Variants in IRF2 observed in about 807,000 individuals in gnomAD.
IRF2 encodes interferon regulatory factor 2.
A neutral mutation model predicts 40.6 loss-of-function variants in IRF2; 15 were observed. That is an observed-to-expected ratio of 0.37 (90% CI 0.25 to 0.57). The LOEUF is 0.57. IRF2 is among the 20% of genes least tolerant of loss of function. The pLI is 0.77. For synonymous variants in IRF2, 151 were observed against 165.5 expected (o/e 0.91, Z 0.67); for missense variants, 317 against 455.7 (o/e 0.70, Z 2.77).
At chr4:184,446,796 A>T (rs531327763) in intron 1 of IRF2, among the ~76,000 whole-genome samples, 14 of 149,854 alleles carry the variant, frequency 9.3e-5, no homozygotes, top group Middle Eastern at 3.4e-3. Flanking sequence ...TACTAAAAAT[A>T]AAAAAAAAAT....
intron 1 of IRF2, among the ~76,000 whole-genome samples, chr4:184,456,609 C>G (rs1738944583): frequency 6.6e-6 from 1 of 152,258 alleles, no homozygotes; most frequent in Non-Finnish European, 1.5e-5. Flanking sequence ...ACACACCCGG[C>G]TGACGCGCTT....
rs373806656 is a variant in IRF2 at position 184,401,042 on chromosome 4, C to A, written c.530-1963G>T. ...CCTGTTATAGATGAAGAAACTCAGG[C>A]ACAGAGAGGGAGAGTGACTTGTCCA... On this transcript the variant is annotated intron_variant, in intron 6 of 8. Transcript: ENST00000393593. 7.7e-4 allele frequency among the ~76,000 whole-genome samples: 118 copies of A among 152,332 alleles called. 1 individual carries two copies. The highest frequency in any genetic ancestry group is 2.6e-3 in the African/African-American group (110 of 41,572).
chr4:184,418,263 A>G (rs750912885), intron 4 of IRF2, 50 bp from the exon 5 acceptor site: 6 of 1,363,024 alleles, frequency 4.4e-6, no homozygotes, highest in Non-Finnish European at 5.3e-6. Context: ...GGGCCTCCAG[A>G]GAAACATTTC....
At chr4:184,464,643 A>C (rs1300172501) in intron 1 of IRF2, among the ~76,000 whole-genome samples, 4 of 152,148 alleles carry the variant, frequency 2.6e-5, no homozygotes, top group Non-Finnish European at 4.4e-5. Flanking sequence ...AATCTCCTCA[A>C]GAGGACCAAA....
chr4:184,439,144 T>C (rs901642012), intron 1 of IRF2, among the ~76,000 whole-genome samples: 2 of 152,094 alleles, frequency 1.3e-5, no homozygotes, highest in Non-Finnish European at 1.5e-5. Context: ...GTCTTCCTCA[T>C]AAGGTTTCAA....
chr4:184,412,005 TAAAA>T (rs35183333), intron 5 of IRF2, among the ~76,000 whole-genome samples: 2 of 95,264 alleles, frequency 2.1e-5, no homozygotes, highest in Non-Finnish European at 4.0e-5. Flanking sequence ...CTCCAAAGAT[TAAAA>T]AAAAAAAAAA....
chr4:184,455,720 A>C (rs1407721087), intron 1 of IRF2, among the ~76,000 whole-genome samples: 4 of 152,200 alleles, frequency 2.6e-5, no homozygotes. Context: ...AATGATAAGC[A>C]AAGGAAATAA....
At chr4:184,416,647 TTATCTTTTAAATA>T (rs1737287115) in intron 5 of IRF2, among the ~76,000 whole-genome samples, 1 of 152,202 alleles carries the variant, frequency 6.6e-6, no homozygotes, top group Non-Finnish European at 1.5e-5. Context: ...TACAGAGCAC[TTATCTTTTAAATA>T]TATATACTGA....
At chr4:184,468,392 C>A (rs1226740851) in intron 1 of IRF2, among the ~76,000 whole-genome samples, 1 of 151,926 alleles carries the variant, frequency 6.6e-6, no homozygotes, top group Non-Finnish European at 1.5e-5. Flanking sequence ...GAGGCTGAGG[C>A]AGAAGAATCA....
intron 5 of IRF2, among the ~76,000 whole-genome samples, chr4:184,417,477 G>A (rs1012504518): frequency 3.9e-5 from 6 of 152,152 alleles, no homozygotes; most frequent in Non-Finnish European, 8.8e-5. Flanking sequence ...ACTGAAGCTC[G>A]TCCCCAGTTT....
chr4:184,440,977 G>A (rs945244597), intron 1 of IRF2, among the ~76,000 whole-genome samples: 2 of 152,204 alleles, frequency 1.3e-5, no homozygotes, highest in Non-Finnish European at 2.9e-5. Context: ...GAAAGGCCTA[G>A]CCTGGAAACG....
intron 1 of IRF2, among the ~76,000 whole-genome samples, chr4:184,458,551 T>C (rs185595087): frequency 6.6e-6 from 1 of 152,358 alleles, no homozygotes; most frequent in African/African-American, 2.4e-5. Flanking sequence ...TTAAAACTAA[T>C]TTTAAGGATT....
chr4:184,409,823 G>A (rs1242025184), intron 5 of IRF2, among the ~76,000 whole-genome samples: 1 of 151,954 alleles, frequency 6.6e-6, no homozygotes, highest in Admixed American at 6.5e-5. Context: ...CCTGAGCCCG[G>A]GAGTTCAAGG....
intron 5 of IRF2, among the ~76,000 whole-genome samples, chr4:184,409,843 G>A (rs1268796807): frequency 1.3e-5 from 2 of 151,622 alleles, no homozygotes; most frequent in Non-Finnish European, 2.9e-5. Flanking sequence ...GATGCAATGA[G>A]CTATGATCAT....
At chr4:184,468,608 T>C (rs187285631) in intron 1 of IRF2, among the ~76,000 whole-genome samples, 46 of 152,198 alleles carry the variant, frequency 3.0e-4, no homozygotes, top group African/African-American at 1.1e-3. Flanking sequence ...CTGTCCGAAG[T>C]GCTTTTTAAA....
chr4:184,398,179 T>C (rs956022067), intron 7 of IRF2, among the ~76,000 whole-genome samples: 12 of 152,208 alleles, frequency 7.9e-5, no homozygotes, highest in Non-Finnish European at 1.5e-4. Context: ...TGTACGACCC[T>C]GCGCAAGCCC....
chr4:184,473,183 G>A (rs1739581373), intron 1 of IRF2, among the ~76,000 whole-genome samples: 1 of 151,596 alleles, frequency 6.6e-6, no homozygotes, highest in Non-Finnish European at 1.5e-5. Flanking sequence ...TTCGGCCAGC[G>A]GGCGAATGTC....
At position 184,428,973 on chromosome 4, in the gene IRF2, C is replaced by T; in HGVS notation, c.87+5G>A. On this transcript the variant is annotated splice_donor_5th_base_variant and intron_variant, in intron 2 of 8. Transcript: ENST00000393593. The stretch of plus-strand genomic sequence containing the variant: ...TCACACATACACCCACCCTGACCCA[C>T]TCACCTTGTTAAGCCACTTGAGCCC... The T allele has an allele frequency of 6.2e-7, 1 of 1,613,548 alleles. No homozygotes were observed. The highest frequency in any genetic ancestry group is 1.3e-5 in the African/African-American group (1 of 75,064).
intron 1 of IRF2, among the ~76,000 whole-genome samples, chr4:184,430,714 G>A (rs1235566577): frequency 6.6e-6 from 1 of 151,884 alleles, no homozygotes; most frequent in East Asian, 1.9e-4. Flanking sequence ...TTTTTTTCTG[G>A]AGGCAGGGTC....
Sources: allele counts gnomAD v4.1 joint callset (sites outside exome capture counted in the v4.1 genomes callset), GRCh38; gene constraint gnomAD v4.1.1; transcripts MANE v1.5; gene names NCBI Gene and HGNC (gene_info 2026-07-23, HGNC 2026-07-21).